The following FRMPD4 variants were observed in gnomAD, a reference collection of about 807,000 sequenced individuals.
FRMPD4 encodes the protein FERM and PDZ domain-containing protein 4.
FRMPD4 carries 22 observed loss-of-function variants against 94.1 expected under a neutral mutation model. That is an observed-to-expected ratio of 0.23 (90% CI 0.17 to 0.33). The LOEUF (loss-of-function observed/expected upper bound fraction) is 0.33. Among genes scored for constraint, FRMPD4 ranks in the 10% least tolerant of loss-of-function variants. The pLI is 1.00. For missense variants in FRMPD4, 1,111 were observed against 1,339.9 expected (o/e 0.83, Z 2.67); for synonymous variants, 631 against 548.6 (o/e 1.15, Z -2.10).
At chrX:11,955,747 GAAAAAAAAAAA>G (rs57734182) in intron 3 of FRMPD4, among the ~76,000 whole-genome samples, 1 of 49,752 alleles carries the variant, frequency 2.0e-5, no homozygotes, top group Non-Finnish European at 4.1e-5. Context: ...GTCTCAAAAA[GAAAAAAAAAAA>G]AAAAAGGAAA....
chrX:11,988,095 T>C (rs1343502921), intron 3 of FRMPD4, among the ~76,000 whole-genome samples: 1 of 111,538 alleles, frequency 9.0e-6, no homozygotes, highest in Non-Finnish European at 1.9e-5. Context: ...AACCCTAACA[T>C]TTACATGAAA....
chrX:12,673,544 C>G (rs2059865051), intron 4 of FRMPD4, among the ~76,000 whole-genome samples: 1 of 111,787 alleles, frequency 8.9e-6, no homozygotes, highest in Non-Finnish European at 1.9e-5. Context: ...CCTATTGAAG[C>G]TAGATTGCTT....
chrX:11,862,951 G>A (rs1259665047), intron 1 of FRMPD4, among the ~76,000 whole-genome samples: 1 of 99,369 alleles, frequency 1.0e-5, no homozygotes, highest in Non-Finnish European at 2.0e-5. Context: ...TGTGTGGTTA[G>A]GGAACTTGGT....
chrX:12,300,637 G>T (rs1291215915), intron 1 of FRMPD4, among the ~76,000 whole-genome samples: 1 of 112,121 alleles, frequency 8.9e-6, no homozygotes, highest in East Asian at 2.8e-4. Flanking sequence ...TTTGAGATAG[G>T]TGCAAGGTAA....
chrX:12,424,192 G>A (rs1223038017), intron 1 of FRMPD4, among the ~76,000 whole-genome samples: 2 of 111,898 alleles, frequency 1.8e-5, no homozygotes, highest in Non-Finnish European at 3.8e-5. Context: ...CTTGCCATAC[G>A]ACCCTTGTCA....
chrX:12,053,359 GAAGAAAGAAAGAAAGAAAGAAAGAAAGA>G (rs57459327), intron 3 of FRMPD4, among the ~76,000 whole-genome samples: 92 of 51,432 alleles, frequency 1.8e-3, no homozygotes, highest in South Asian at 2.4e-3. Flanking sequence ...AGGAAAGAAA[GAAGAAAGAAAGAAAGAAAGAAAGAAAGA>G]AAGAAAGAAA....
chrX:12,475,810 C>T (rs1161153182), intron 1 of FRMPD4, among the ~76,000 whole-genome samples: 1 of 111,593 alleles, frequency 9.0e-6, no homozygotes, highest in Admixed American at 9.5e-5. Context: ...AATGAAATAA[C>T]AGAGGATACA....
chrX:12,720,644 G>A lies in FRMPD4; in HGVS notation c.4075G>A (p.Val1359Met). 1.7e-6 allele frequency: 2 copies of A among 1,169,030 alleles called. No homozygotes were observed. Among genetic ancestry groups the A allele is most frequent in the African/African-American group, 3.5e-5 (2 of 56,531 alleles). ...ATCAAACATTCACTCGGAATCAAAG[G>A]TGCCAATTCCAAATCAAGACCCTAA... ...LPSNIHSESK[V>M]PIPNQDPNDF... Residue 1359 changes from valine to methionine, a missense_variant, in exon 17 of 17, where the codon GTG (valine) becomes ATG (methionine). Val to Met is a conservative substitution (Grantham distance 21). Coordinates refer to ENST00000675598, the MANE Select transcript of FRMPD4 (RefSeq NM_001368397.1).
chrX:12,719,889 C>A (rs1369878255), intron 16 of FRMPD4, among the ~76,000 whole-genome samples: 1 of 110,608 alleles, frequency 9.0e-6, no homozygotes, highest in Non-Finnish European at 1.9e-5. Flanking sequence ...AGTGTTTCAA[C>A]TTCAGACTTT....
chrX:12,067,377 C>A (rs2054930194), intron 3 of FRMPD4, among the ~76,000 whole-genome samples: 1 of 110,734 alleles, frequency 9.0e-6, no homozygotes, highest in Non-Finnish European at 1.9e-5. Context: ...CACTGAAAGC[C>A]AAAAACAAAG....
chrX:12,573,764 A>G (rs747874798), intron 2 of FRMPD4, among the ~76,000 whole-genome samples: 1 of 112,155 alleles, frequency 8.9e-6, no homozygotes, highest in African/African-American at 3.2e-5. Flanking sequence ...TCACAATACA[A>G]AGATGTTAGT....
At chrX:12,311,242 G>A (rs1195633504) in intron 1 of FRMPD4, among the ~76,000 whole-genome samples, 1 of 111,662 alleles carries the variant, frequency 9.0e-6, no homozygotes, top group Non-Finnish European at 1.9e-5. Context: ...GACTTGGCAG[G>A]TTTCTCTCCC....
At chrX:12,638,903 G>A (rs987619494) in intron 4 of FRMPD4, among the ~76,000 whole-genome samples, 3 of 110,892 alleles carry the variant, frequency 2.7e-5, no homozygotes, top group Non-Finnish European at 5.7e-5. Flanking sequence ...ACTCTACTTC[G>A]GTGGCTCCCA....
rs192218675 is a variant in FRMPD4 at position 12,486,394 on chromosome X, G to C, written c.42-12286G>C. On this transcript the variant is annotated intron_variant, in intron 1 of 16. Transcript: ENST00000675598. ...TCTTATGCACACTAAAGTTGGAGAG[G>C]CCCTGCTATAAGGGGCACTTTTCAT... Among the ~76,000 whole-genome samples the C allele has an allele frequency of 2.6e-4, 29 of 112,235 alleles. No individual in the cohort carries two copies. In the East Asian group the frequency reaches 7.6e-3, roughly 29 times the overall value.
chrX:12,664,235 A>T (rs2059750761), intron 4 of FRMPD4, among the ~76,000 whole-genome samples: 1 of 112,127 alleles, frequency 8.9e-6, no homozygotes, highest in Non-Finnish European at 1.9e-5. Flanking sequence ...AACTTCCAAC[A>T]CTATGTTGAA....
intron 3 of FRMPD4, among the ~76,000 whole-genome samples, chrX:12,046,669 G>T (rs1306512167): frequency 1.8e-5 from 2 of 112,096 alleles, no homozygotes; most frequent in African/African-American, 3.2e-5. Context: ...GGATACAGAT[G>T]AAGACATGTG....
At chrX:12,164,086 G>A (rs926544429) in intron 1 of FRMPD4, among the ~76,000 whole-genome samples, 7 of 108,691 alleles carry the variant, frequency 6.4e-5, no homozygotes, top group African/African-American at 2.4e-4. Context: ...TAGAATATAT[G>A]TGCACAACGT....
intron 1 of FRMPD4, among the ~76,000 whole-genome samples, chrX:12,191,382 T>C (rs1444837636): frequency 9.0e-6 from 1 of 111,728 alleles, no homozygotes; most frequent in Non-Finnish European, 1.9e-5. Context: ...GATCCAGCAA[T>C]TGCACACCTT....
intron 1 of FRMPD4, among the ~76,000 whole-genome samples, chrX:12,216,892 A>G (rs1007954382): frequency 1.8e-5 from 2 of 111,723 alleles, no homozygotes; most frequent in African/African-American, 6.5e-5. Flanking sequence ...GCCAGAGTCA[A>G]ACCTTAAAAT....
Sources: allele counts gnomAD v4.1 joint callset (sites outside exome capture counted in the v4.1 genomes callset), GRCh38; gene constraint gnomAD v4.1.1; transcripts MANE v1.5; gene names NCBI Gene and HGNC (gene_info 2026-07-23, HGNC 2026-07-21).